The following IGSF6 variants were observed in gnomAD, a reference collection of about 807,000 sequenced individuals.
IGSF6 encodes down-regulated by activation (immunoglobulin superfamily).
In IGSF6, 23 loss-of-function variants were observed where a neutral mutation model predicts 24.7. The observed-to-expected ratio is 0.93, with a 90% CI of 0.67 to 1.32. IGSF6 has a LOEUF of 1.32. IGSF6 is among the 40% of genes most tolerant of loss of function. The pLI is 0.00. For synonymous variants in IGSF6, 110 were observed against 113.7 expected (o/e 0.97, Z 0.21); for missense variants, 295 against 293.6 (o/e 1.00, Z -0.04).
At position 21,641,546 on chromosome 16, in the gene IGSF6, A is replaced by G. The variant is rs1355539111; in HGVS notation, c.714T>C (p.Tyr238=). ...AATTAAAACGTTTCTATGGCCTTTC[A>G]TAGTTGGAAAGTACTCTTCTGTTTT... is the stretch of plus-strand genomic sequence containing the variant. ...TYENRRVLSN[Y]ERP The change falls in exon 6 of 6, where the codon TAT becomes TAC. Residue 238 remains tyrosine, a synonymous_variant. Transcript: ENST00000268389. 1 of 1,586,270 alleles carries G rather than the reference A, an allele frequency of 6.3e-7. No homozygotes were observed. Among genetic ancestry groups the G allele is most frequent in the Non-Finnish European group, 8.6e-7 (1 of 1,158,798 alleles).
chr16:21,645,214 A>G (rs1966391426), intron 2 of IGSF6, among the ~76,000 whole-genome samples: 1 of 152,194 alleles, frequency 6.6e-6, no homozygotes, highest in African/African-American at 2.4e-5. Flanking sequence ...GCACTTTGAG[A>G]GGCCGAGGTG....
intron 5 of IGSF6, among the ~76,000 whole-genome samples, chr16:21,642,561 C>T (rs1966300149): frequency 6.6e-6 from 1 of 152,162 alleles, no homozygotes; most frequent in South Asian, 2.1e-4. Flanking sequence ...GGAATACTTT[C>T]AGGATGTATT....
chr16:21,643,243 C>A (rs1244677690), intron 4 of IGSF6, 89 bp from the exon 5 acceptor site: 2 of 951,822 alleles, frequency 2.1e-6, no homozygotes, highest in East Asian at 2.4e-5. Context: ...TGCTCTATTG[C>A]CACCGGTCCC....
chr16:21,649,766 G>A (rs1488282340), intron 1 of IGSF6, among the ~76,000 whole-genome samples: 9 of 152,278 alleles, frequency 5.9e-5, no homozygotes, highest in South Asian at 4.1e-4. Flanking sequence ...ATGCAGTGGT[G>A]TGATCTTGGC....
chr16:21,640,165 C>T lies in IGSF6; in HGVS notation c.*1369G>A, dbSNP rs1344095147. On this transcript the variant is annotated 3_prime_UTR_variant, in exon 6 of 6. Coordinates refer to ENST00000268389, the MANE Select transcript of IGSF6 (RefSeq NM_005849.4). The stretch of plus-strand genomic sequence containing the variant: ...ATGTTGTTCAGGCTGGTCTCGAACT[C>T]CTGATCTCATGATTCACCTGCCTCA... 1 of 151,968 alleles carries T rather than the reference C, an allele frequency of 6.6e-6. No individual in the cohort carries two copies. Among genetic ancestry groups the T allele is most frequent in the Non-Finnish European group, 1.5e-5 (1 of 68,026 alleles). The allele number at this position is 151,968 out of a possible 1,614,324, so 9.4% of individuals were successfully genotyped here.
At chr16:21,652,291 T>TG (rs1966597514) in intron 1 of IGSF6, 4 of 385,394 alleles carry the variant, frequency 1.0e-5, no homozygotes, top group Non-Finnish European at 1.8e-5. Flanking sequence ...AACCCTTTGG[T>TG]CAGATTGTCT....
chr16:21,641,440 A>C lies in IGSF6; in HGVS notation c.*94T>G, dbSNP rs926447978. 2 of 597,836 alleles carry C rather than the reference A, an allele frequency of 3.3e-6. No individual in the cohort carries two copies. Among genetic ancestry groups the C allele is most frequent in the Non-Finnish European group, 5.7e-6 (2 of 353,844 alleles). 37.0% of individuals were successfully genotyped at this position (597,836 alleles called of 1,614,324 possible). A position where few individuals can be genotyped will look rare whatever the true frequency, so the allele number is the denominator to read the frequency against. On this transcript the variant is annotated 3_prime_UTR_variant, in exon 6 of 6. Transcript: ENST00000268389. The stretch of plus-strand genomic sequence containing the variant: ...CCAGTTGTCTTTTCAGTTTACCTTT[A>C]TTTTTTTTTAAGACCTGATGATATA...
intron 4 of IGSF6, 96 bp downstream of exon 4, chr16:21,643,452 A>T: frequency 1.3e-6 from 1 of 791,770 alleles, no homozygotes; most frequent in Non-Finnish European, 2.0e-6. Context: ...GTTTAAACTT[A>T]ACATTTAAAT....
chr16:21,641,748 G>A (rs962705859), intron 5 of IGSF6, among the ~76,000 whole-genome samples, 155 bp from the exon 6 acceptor site: 6 of 151,880 alleles, frequency 4.0e-5, no homozygotes, highest in Admixed American at 6.6e-5. Context: ...TTCCCCATCC[G>A]TATTTAGAGT....
intron 1 of IGSF6, chr16:21,652,061 T>C (rs1428295728): frequency 6.6e-6 from 1 of 151,878 alleles, no homozygotes; most frequent in African/African-American, 2.4e-5. Context: ...CTTTCATAGA[T>C]AAAAAAACAG....
Position 21,644,349 on chromosome 16 carries a change from C to G in IGSF6, c.475G>C (p.Val159Leu), listed in dbSNP as rs188280590. ...KELRSFLTAL[V>L]SLLSVYVTGV... Reference sequence around the variant, plus strand: ...GTCACATAGACAGAGAGCAGTGATACAAGAGCTGTCAGGAAGCTCCGCAGT... The same window carrying G: ...GTCACATAGACAGAGAGCAGTGATAGAAGAGCTGTCAGGAAGCTCCGCAGT... Residue 159 changes from valine (V) to leucine (L), a missense_variant, in exon 3 of 6, where the codon GTA (valine) becomes CTA (leucine). Physicochemically the swap from Val to Leu is conservative, Grantham distance 32 (BLOSUM62 1). Coordinates refer to ENST00000268389, the MANE Select transcript of IGSF6 (RefSeq NM_005849.4). 84 of 1,614,096 alleles carry G rather than the reference C, an allele frequency of 5.2e-5. 1 individual carries two copies. In the East Asian group the frequency reaches 1.4e-3, roughly 28 times the overall value.
Position 21,647,346 on chromosome 16 carries a change from C to A in IGSF6, c.214G>T (p.Ala72Ser), listed in dbSNP as rs771885163. 3.1e-6 allele frequency: 5 copies of A among 1,614,184 alleles called. No homozygotes were observed. The South Asian group carries it at 5.5e-5, about 18-fold the overall frequency. Residue 72 changes from alanine to serine, a missense_variant, in exon 2 of 6, where the codon GCT becomes TCT. By Grantham distance (99) the Ala-to-Ser change is moderately conservative. Coordinates refer to ENST00000268389, the MANE Select transcript of IGSF6 (RefSeq NM_005849.4). ...QPTCLWFRYG[A>S]HQPENLCLDG... is the part of the protein sequence containing the mutation. The stretch of plus-strand genomic sequence containing the variant: ...AAGCACAGGTTCTCAGGCTGGTGAG[C>A]ACCGTAGCGAAACCACAGGCATGTT...
chr16:21,642,323 A>G (rs1255117443), intron 5 of IGSF6: 1 of 152,234 alleles, frequency 6.6e-6, no homozygotes, highest in Non-Finnish European at 1.5e-5. Context: ...TTACACTAAA[A>G]TTGGAATGAT....
chr16:21,642,334 A>G (rs1966294159), intron 5 of IGSF6: 1 of 152,242 alleles, frequency 6.6e-6, no homozygotes, highest in Non-Finnish European at 1.5e-5. Flanking sequence ...TTGGAATGAT[A>G]CAGAGAAGAT....
chr16:21,644,412 A>G lies in IGSF6; in HGVS notation c.428-16T>C. 1 of 1,548,930 alleles carries G rather than the reference A, an allele frequency of 6.5e-7. No individual in the cohort carries two copies. Among genetic ancestry groups the G allele is most frequent in the Non-Finnish European group, 8.9e-7 (1 of 1,121,138 alleles). On this transcript the variant is annotated splice_polypyrimidine_tract_variant and intron_variant, in intron 2 of 5. Coordinates refer to ENST00000268389, the MANE Select transcript of IGSF6 (RefSeq NM_005849.4). ...AGCTTAATTTCTTAATGACAAAAAC[A>G]GAAAGAAGCACATTGACTATTAAAG...
intron 2 of IGSF6, among the ~76,000 whole-genome samples, chr16:21,645,547 A>G (rs1473700450): frequency 3.9e-5 from 6 of 152,236 alleles, no homozygotes; most frequent in Non-Finnish European, 8.8e-5. Flanking sequence ...TAACAAATTA[A>G]CCACATCTAT....
intron 1 of IGSF6, chr16:21,651,897 C>T (rs1966586348): frequency 6.6e-6 from 1 of 152,120 alleles, no homozygotes; most frequent in Non-Finnish European, 1.5e-5. Context: ...CAAAAAGTCA[C>T]CCATAGTCCT....
chr16:21,647,293 C>T lies in IGSF6; in HGVS notation c.267G>A (p.Lys89=). The change falls in exon 2 of 6, where the codon AAG becomes AAA. Residue 89 remains lysine (K), a synonymous_variant. Transcript: ENST00000268389. ...CTTTGAGGGCCTCCCTCACTGTGAA[C>T]TTGTCTGCCTCACTTTTGCACCCGT... The part of the protein sequence containing the change: ...CLDGCKSEAD[K]FTVREALKEN... 4 of 1,614,164 alleles carry T rather than the reference C, an allele frequency of 2.5e-6. No individual in the cohort carries two copies. The highest frequency in any genetic ancestry group is 3.4e-6 in the Non-Finnish European group (4 of 1,180,026).
intron 1 of IGSF6, among the ~76,000 whole-genome samples, chr16:21,649,002 G>A (rs1267064101): frequency 1.3e-5 from 2 of 151,990 alleles, no homozygotes; most frequent in Non-Finnish European, 2.9e-5. Flanking sequence ...TTTCATTTTT[G>A]TTATTGTTTT....
Sources: gnomAD v4.1 joint callset for allele counts (sites outside exome capture counted in the v4.1 genomes callset) on GRCh38, gnomAD v4.1.1 for gene constraint, MANE v1.5 for transcripts, NCBI Gene and HGNC (gene_info 2026-07-23, HGNC 2026-07-21) for gene names.